GNL3L: variants seen among roughly 807,000 people sequenced by gnomAD.
GNL3L encodes guanine nucleotide-binding protein-like 3-like protein.
Under a neutral mutation model 42.9 loss-of-function variants are expected in GNL3L, and 4 were observed. That is an observed-to-expected ratio of 0.09 (90% CI 0.05 to 0.21). The LOEUF (loss-of-function observed/expected upper bound fraction) is 0.21, where lower values mean the gene tolerates loss of function less well. Among genes scored for constraint, GNL3L ranks in the 10% least tolerant of loss-of-function variants. The probability of loss-of-function intolerance (pLI) is 1.00; values close to 1 mark genes in which losing one functional copy is unlikely to be tolerated. For synonymous variants in GNL3L, 159 were observed against 176.3 expected (o/e 0.90, Z 0.78); for missense variants, 412 against 481.7 (o/e 0.86, Z 1.36).
At chrX:54,584,889 G>A (rs980287051) in intron 16 of GNL3L, among the ~76,000 whole-genome samples, 1 of 112,380 alleles carries the variant, frequency 8.9e-6, no homozygotes, top group Non-Finnish European at 1.9e-5. Context: ...GGGTTCAAGC[G>A]ATTCTCCGGT....
intron 1 of GNL3L, among the ~76,000 whole-genome samples, 194 bp from the exon 2 acceptor site, chrX:54,532,326 G>A (rs751607934): frequency 1.8e-5 from 2 of 110,598 alleles, no homozygotes; most frequent in African/African-American, 6.6e-5. Flanking sequence ...TCCTCCCTTT[G>A]GGTAGTATGA....
At position 54,548,114 on chromosome X, in the gene GNL3L, C is replaced by T. The variant is rs149300176; in HGVS notation, c.631-115C>T. The T allele has an allele frequency of 1.8e-4, 93 of 525,210 alleles. 2 individuals carry two copies. In the South Asian group the frequency reaches 2.4e-3, roughly 14 times the overall value. 43.3% of individuals were successfully genotyped at this position (525,210 alleles called of 1,213,427 possible). On this transcript the variant is annotated intron_variant, in intron 8 of 15. Transcript: ENST00000360845. Reference sequence around the variant, plus strand: ...TTCAAGATCTGTGTGAGAAGCCTTCCGTTTCAGGCTGAGGAGCTCAGTGAT... The same window carrying T: ...TTCAAGATCTGTGTGAGAAGCCTTCTGTTTCAGGCTGAGGAGCTCAGTGAT...
chrX:54,621,662 C>T (rs1486497858), downstream of GNL3L, among the ~76,000 whole-genome samples: 9 of 111,193 alleles, frequency 8.1e-5, no homozygotes, highest in Non-Finnish European at 1.3e-4. Context: ...AAAAATGAGC[C>T]GGGCATGATG....
At position 54,574,993 on chromosome X, in the gene GNL3L, G is replaced by A. The variant is rs1435043712; in HGVS notation, c.*45+14346G>A. On this transcript the variant is annotated intron_variant, in intron 16 of 16. Coordinates refer to the GNL3L transcript ENST00000674498. Reference sequence around the variant, plus strand: ...CTTTCATTCAGATTTGATAATTTGTGTTGTCTGTCTTTGTTTCTTGGTTAG... The same window carrying A: ...CTTTCATTCAGATTTGATAATTTGTATTGTCTGTCTTTGTTTCTTGGTTAG... Among the ~76,000 whole-genome samples the A allele has an allele frequency of 2.7e-5, 3 of 111,947 alleles. No homozygotes were observed. In the East Asian group the frequency reaches 8.4e-4, roughly 31 times the overall value.
At chrX:54,533,795 G>T (rs1161284157) in intron 2 of GNL3L, among the ~76,000 whole-genome samples, 1 of 110,103 alleles carries the variant, frequency 9.1e-6, no homozygotes, top group Non-Finnish European at 1.9e-5. Flanking sequence ...CACAAGAAAG[G>T]TGGTAATTAT....
intron 16 of GNL3L, among the ~76,000 whole-genome samples, chrX:54,598,608 A>T (rs1312161272): frequency 8.9e-6 from 1 of 111,742 alleles, no homozygotes; most frequent in Non-Finnish European, 1.9e-5. Flanking sequence ...TATGATTAAT[A>T]TATTGAGGGC....
chrX:54,631,463 A>G, the GNL3L span, among the ~76,000 whole-genome samples: 1 of 110,811 alleles, frequency 9.0e-6, no homozygotes. Flanking sequence ...AAGTGCATAT[A>G]TATTTGGGAT....
At chrX:54,533,379 AAAG>A (rs1206172181) in intron 2 of GNL3L, among the ~76,000 whole-genome samples, 2 of 109,492 alleles carry the variant, frequency 1.8e-5, no homozygotes, top group Non-Finnish European at 3.8e-5. Context: ...AAAAAAAAAA[AAAG>A]GAATAAAACA....
chrX:54,584,022 G>A (rs990108871), intron 16 of GNL3L, among the ~76,000 whole-genome samples: 6 of 109,939 alleles, frequency 5.5e-5, no homozygotes, highest in South Asian at 3.8e-4. Flanking sequence ...TAAAAGCCAC[G>A]TATGACAGAC....
At chrX:54,541,500 G>C (rs1046842796) in intron 5 of GNL3L, 111 bp downstream of exon 5, 2 of 334,803 alleles carry the variant, frequency 6.0e-6, no homozygotes, top group Non-Finnish European at 1.1e-5. Context: ...GGGAATCAGT[G>C]TAGAGAGGAT....
chrX:54,590,653 G>A (rs932585917), intron 16 of GNL3L, among the ~76,000 whole-genome samples: 1 of 111,308 alleles, frequency 9.0e-6, no homozygotes, highest in African/African-American at 3.3e-5. Flanking sequence ...TGCTTTGGTT[G>A]CCTGTACTTA....
chrX:54,535,384 T>A (rs1924390550), intron 2 of GNL3L, among the ~76,000 whole-genome samples: 1 of 111,857 alleles, frequency 8.9e-6, no homozygotes, highest in Non-Finnish European at 1.9e-5. Context: ...CCCAAAGTGC[T>A]GGGATTACAG....
intron 16 of GNL3L, among the ~76,000 whole-genome samples, chrX:54,613,060 A>G (rs1926180840): frequency 9.0e-6 from 1 of 111,624 alleles, no homozygotes; most frequent in African/African-American, 3.3e-5. Flanking sequence ...TCTTAGGAAC[A>G]CTGATTATTC....
chrX:54,618,818 G>A (rs1397953722), intron 16 of GNL3L, among the ~76,000 whole-genome samples: 1 of 111,745 alleles, frequency 8.9e-6, no homozygotes, highest in Admixed American at 9.5e-5. Flanking sequence ...GATCTCTTGA[G>A]TCCAGGAGTT....
chrX:54,564,710 T>C lies in GNL3L; in HGVS notation c.*4108T>C, dbSNP rs1366070499. ...AGTGAGCCACTGCGCCTGGCCTTTT[T>C]CTTTGTTCTTATATTTTTGTCTTTT... On this transcript the variant is annotated 3_prime_UTR_variant, in exon 16 of 16. Transcript: ENST00000360845. Among the ~76,000 whole-genome samples the C allele has an allele frequency of 9.7e-6, 1 of 102,841 alleles. No individual in the cohort carries two copies. Among genetic ancestry groups the C allele is most frequent in the African/African-American group, 3.6e-5 (1 of 27,755 alleles). 89.3% of individuals were successfully genotyped at this position (102,841 alleles called of 115,157 possible). A position where few individuals can be genotyped will look rare whatever the true frequency, so the allele number is the denominator to read the frequency against.
chrX:54,601,490 G>C (rs1377651661), intron 16 of GNL3L, among the ~76,000 whole-genome samples: 1 of 111,697 alleles, frequency 9.0e-6, no homozygotes, highest in Non-Finnish European at 1.9e-5. Context: ...TCTTATCTTT[G>C]TTTTATGTAT....
chrX:54,579,984 TTG>T (rs1925686224), intron 16 of GNL3L, among the ~76,000 whole-genome samples: 1 of 98,207 alleles, frequency 1.0e-5, no homozygotes, highest in African/African-American at 4.1e-5. Flanking sequence ...GGCCTAAAGT[TTG>T]TTTTTTTTTT....
rs1206846938 is a variant in GNL3L at position 54,565,671 on chromosome X, C to T, written c.*5069C>T. ...CATTAAGTATGTGGTGGTATCTCAT[C>T]GTTTTTATTTGCATCCTCTAATGAT... On this transcript the variant is annotated 3_prime_UTR_variant, in exon 16 of 16. Transcript: ENST00000360845. 9.1e-6 allele frequency among the ~76,000 whole-genome samples: 1 copy of T among 109,479 alleles called. No homozygotes were observed. The highest frequency in any genetic ancestry group is 1.9e-5 in the Non-Finnish European group (1 of 52,697).
At chrX:54,619,430 A>G (rs1254730151) in intron 16 of GNL3L, among the ~76,000 whole-genome samples, 1 of 111,155 alleles carries the variant, frequency 9.0e-6, no homozygotes, top group Non-Finnish European at 1.9e-5. Context: ...ATATATAAAA[A>G]CTTTTGGAAA....
Sources: gnomAD v4.1 joint callset for allele counts (sites outside exome capture counted in the v4.1 genomes callset) on GRCh38, gnomAD v4.1.1 for gene constraint, MANE v1.5 for transcripts, NCBI Gene and HGNC (gene_info 2026-07-23, HGNC 2026-07-21) for gene names.